Variants in FRY observed in about 807,000 individuals in gnomAD.
FRY encodes FRY microtubule binding protein.
In FRY, 128 loss-of-function variants were observed where a neutral mutation model predicts 348.4. The observed-to-expected ratio is 0.37, with a 90% CI of 0.32 to 0.43. FRY has a LOEUF of 0.43. Among genes scored for constraint, FRY ranks in the 20% least tolerant of loss-of-function variants. FRY has a pLI of 1.00. For missense variants in FRY, 2,736 were observed against 3,695.2 expected, an observed-to-expected ratio of 0.74 and a Z score of 6.73; for synonymous variants, 1,370 against 1,374.7, an observed-to-expected ratio of 1.00 and a Z score of 0.08.
intron 11 of FRY, among the ~76,000 whole-genome samples, chr13:32,145,535 T>G (rs986771147): frequency 8.1e-5 from 11 of 136,260 alleles, no homozygotes; most frequent in South Asian, 2.4e-4. Context: ...TGTTTTTTTT[T>G]TTTTTTTTTT....
intron 2 of FRY, among the ~76,000 whole-genome samples, chr13:32,083,867 C>G (rs1163974911): frequency 4.6e-5 from 7 of 152,046 alleles, no homozygotes; most frequent in Non-Finnish European, 5.9e-5. Context: ...TATGTCCCAC[C>G]TCTCAGGGCC....
chr13:32,163,009 G>A (rs942042659), intron 17 of FRY, among the ~76,000 whole-genome samples: 50 of 152,206 alleles, frequency 3.3e-4, no homozygotes, highest in African/African-American at 1.2e-3. Flanking sequence ...GCTGGGGGAA[G>A]CTGAGGGAAA....
intron 20 of FRY, among the ~76,000 whole-genome samples, 170 bp from the exon 21 acceptor site, chr13:32,178,007 C>A (rs1197237276): frequency 6.6e-6 from 1 of 152,118 alleles, no homozygotes; most frequent in Non-Finnish European, 1.5e-5. Context: ...GACTGATGAC[C>A]ACACACCAAG....
At chr13:32,258,100 T>C (rs1887431047) in intron 51 of FRY, 12 of 749,052 alleles carry the variant, frequency 1.6e-5, no homozygotes, top group Middle Eastern at 4.6e-4. Context: ...CATATTTCCA[T>C]TTAGGTGTGT....
At chr13:32,251,578 G>A (rs1216094518) in intron 49 of FRY, among the ~76,000 whole-genome samples, 1 of 151,818 alleles carries the variant, frequency 6.6e-6, no homozygotes, top group African/African-American at 2.4e-5. Context: ...GAAACATAAT[G>A]TGAGCTTCAT....
rs1884186584 is a variant in FRY at position 32,203,788 on chromosome 13, G to A, written c.4018+1261G>A. ...TTACGTAGCACTTTGCCAAGAGACA[G>A]ACTTTGGCCTCTTGAATTCATCCTG... On this transcript the variant is annotated intron_variant, in intron 31 of 60. Coordinates refer to ENST00000542859, the MANE Select transcript of FRY (RefSeq NM_023037.3). Among the ~76,000 whole-genome samples, 5 of 152,162 alleles carry A rather than the reference G, an allele frequency of 3.3e-5. No individual in the cohort carries two copies. In the South Asian group the frequency reaches 1.0e-3, roughly 32 times the overall value.
chr13:32,169,841 C>G (rs1353881826), intron 17 of FRY, among the ~76,000 whole-genome samples: 1 of 152,192 alleles, frequency 6.6e-6, no homozygotes, highest in East Asian at 1.9e-4. Flanking sequence ...AGTAATCCAT[C>G]CTACCAATGT....
At chr13:32,104,078 C>G (rs535700059) in intron 3 of FRY, among the ~76,000 whole-genome samples, 1 of 152,218 alleles carries the variant, frequency 6.6e-6, no homozygotes, top group East Asian at 1.9e-4. Flanking sequence ...AAACATTTTT[C>G]TCCAGCTTAA....
chr13:32,149,336 G>C lies in FRY; in HGVS notation c.1393-412G>C, dbSNP rs191468536. On this transcript the variant is annotated intron_variant, in intron 13 of 60. Transcript: ENST00000542859. ...ATGAGCCAAAGGATTTTTAATGTTA[G>C]AGAATAGAAAAAAATGATCATTTTG... 2.6e-3 allele frequency among the ~76,000 whole-genome samples: 388 copies of C among 151,776 alleles called. 12 individuals carry two copies. In the South Asian group the frequency reaches 0.056, roughly 22 times the overall value.
intron 55 of FRY, among the ~76,000 whole-genome samples, chr13:32,268,505 A>ATATATATATATAT (rs1555273231): frequency 5.0e-4 from 14 of 28,220 alleles, no homozygotes; most frequent in African/African-American, 6.5e-4. Context: ...AAAAAAAAAA[A>ATATATATATATAT]ATATATATAT....
intron 29 of FRY, 38 bp downstream of exon 29, chr13:32,194,335 G>A (rs902733277): frequency 4.4e-6 from 7 of 1,586,372 alleles, no homozygotes; most frequent in Non-Finnish European, 6.1e-6. Context: ...TGGCAAGTAT[G>A]TTTAGGGTTA....
At chr13:32,228,724 C>T (rs1885747797) in intron 40 of FRY, 70 bp downstream of exon 40, 1 of 1,270,646 alleles carries the variant, frequency 7.9e-7, no homozygotes. Context: ...CGCTTTAAAC[C>T]ACACAGATGG....
At chr13:32,146,666 CT>C (rs1461973402) in intron 11 of FRY, among the ~76,000 whole-genome samples, 1 of 152,130 alleles carries the variant, frequency 6.6e-6, no homozygotes, top group Non-Finnish European at 1.5e-5. Flanking sequence ...GACCCCATTC[CT>C]TGAGTTTGCC....
intron 41 of FRY, among the ~76,000 whole-genome samples, chr13:32,232,989 A>G (rs1184918354): frequency 6.6e-6 from 1 of 151,564 alleles, no homozygotes; most frequent in Non-Finnish European, 1.5e-5. Context: ...TTGCCAGGGT[A>G]CCTAACTTCC....
intron 4 of FRY, among the ~76,000 whole-genome samples, chr13:32,118,321 C>T (rs1243091778): frequency 6.6e-6 from 1 of 152,140 alleles, no homozygotes. Flanking sequence ...CTTTTAAAGT[C>T]TGTAAACTGA....
chr13:32,193,737 C>T (rs1336687025), intron 28 of FRY, among the ~76,000 whole-genome samples: 1 of 152,074 alleles, frequency 6.6e-6, no homozygotes, highest in Non-Finnish European at 1.5e-5. Flanking sequence ...AGGCACCCAC[C>T]ACCACGCCCA....
chr13:32,033,387 C>T (rs1034443208), intron 1 of FRY, among the ~76,000 whole-genome samples: 1 of 152,112 alleles, frequency 6.6e-6, no homozygotes, highest in Non-Finnish European at 1.5e-5. Context: ...ATTCCAAGAC[C>T]AGACTGTTTT....
Position 32,031,884 on chromosome 13 carries a change from C to T in FRY, c.70+19C>T. The T allele has an allele frequency of 7.3e-7, 1 of 1,362,172 alleles. No homozygotes were observed. The highest frequency in any genetic ancestry group is 1.1e-6 in the Non-Finnish European group (1 of 952,144). 84.4% of individuals were successfully genotyped at this position (1,362,172 alleles called of 1,614,324 possible). On this transcript the variant is annotated intron_variant, in intron 1 of 60. Coordinates refer to ENST00000542859, the MANE Select transcript of FRY (RefSeq NM_023037.3). ...AGTAATAGTGAGTAATAGAAAATAA[C>T]CTTTTTGTTTGTTTGTTTGCTGGAT... is the stretch of plus-strand genomic sequence containing the variant.
intron 22 of FRY, among the ~76,000 whole-genome samples, 160 bp from the exon 23 acceptor site, chr13:32,179,515 G>T (rs953942533): frequency 8.7e-5 from 13 of 148,794 alleles, no homozygotes; most frequent in Admixed American, 6.8e-4. Flanking sequence ...GTGTGTGTGT[G>T]TGTGTGTGTG....
Sources: allele counts gnomAD v4.1 joint callset (sites outside exome capture counted in the v4.1 genomes callset), GRCh38; gene constraint gnomAD v4.1.1; transcripts MANE v1.5; gene names NCBI Gene and HGNC (gene_info 2026-07-23, HGNC 2026-07-21).